Variants in ARHGAP6 observed in about 807,000 individuals in gnomAD.
The protein encoded by ARHGAP6 is rho GTPase-activating protein 6.
ARHGAP6 carries 16 observed loss-of-function variants against 55.7 expected under a neutral mutation model. The observed-to-expected ratio is 0.29, with a 90% CI of 0.19 to 0.44. The LOEUF is 0.44. ARHGAP6 is among the 20% of genes least tolerant of loss of function. The probability of loss-of-function intolerance (pLI) is 1.00; values close to 1 mark genes in which losing one functional copy is unlikely to be tolerated. For missense variants in ARHGAP6, 698 were observed against 808.9 expected (o/e 0.86, Z 1.66); for synonymous variants, 382 against 360.9 (o/e 1.06, Z -0.66).
chrX:11,184,062 A>T (rs1204610731), intron 5 of ARHGAP6, among the ~76,000 whole-genome samples: 2 of 112,067 alleles, frequency 1.8e-5, no homozygotes, highest in Non-Finnish European at 3.8e-5. Context: ...GCCAGCAAAC[A>T]GAGGACACTC....
chrX:11,396,408 T>C (rs1345712564), intron 1 of ARHGAP6, among the ~76,000 whole-genome samples: 2 of 110,964 alleles, frequency 1.8e-5, no homozygotes, highest in Admixed American at 9.6e-5. Context: ...CAAAGAGAGG[T>C]CTGGGGATGA....
chrX:11,401,432 T>G, intron 1 of ARHGAP6, among the ~76,000 whole-genome samples: 1 of 111,805 alleles, frequency 8.9e-6, no homozygotes, highest in African/African-American at 3.3e-5. Flanking sequence ...CTGTAGACAT[T>G]TGGGTCTGGA....
chrX:11,525,099 C>T (rs1273322528), intron 1 of ARHGAP6, among the ~76,000 whole-genome samples: 1 of 111,648 alleles, frequency 9.0e-6, no homozygotes. Context: ...GCTGTACAGC[C>T]TGATTCCTAA....
At chrX:11,347,091 C>T (rs1409062366) in intron 1 of ARHGAP6, among the ~76,000 whole-genome samples, 1 of 112,175 alleles carries the variant, frequency 8.9e-6, no homozygotes, top group African/African-American at 3.2e-5. Flanking sequence ...TACTTATATA[C>T]CTATTTGCAG....
chrX:11,560,371 G>A (rs1757696609), intron 1 of ARHGAP6, among the ~76,000 whole-genome samples: 1 of 112,149 alleles, frequency 8.9e-6, no homozygotes, highest in Non-Finnish European at 1.9e-5. Flanking sequence ...CTCTAATACA[G>A]AACGTCAAAG....
In ARHGAP6 at chrX:11,664,956, G is replaced by T. The variant is rs1943391639; in HGVS notation, c.-128C>A. The T allele has an allele frequency of 3.1e-6, 2 of 653,228 alleles. No homozygotes were observed. Among genetic ancestry groups the T allele is most frequent in the Non-Finnish European group, 4.4e-6 (2 of 453,919 alleles). 53.8% of individuals were successfully genotyped at this position (653,228 alleles called of 1,213,427 possible). On this transcript the variant is annotated 5_prime_UTR_variant, in exon 1 of 13. The change creates a new upstream start codon in the 5' untranslated region. Coordinates refer to ENST00000337414, the MANE Select transcript of ARHGAP6 (RefSeq NM_013427.3). ...GCTGGCCCGGGGTTTGCCCAGGGCA[G>T]TGGAGAGCAAAGCCCAGCTCACGCG...
intron 9 of ARHGAP6, among the ~76,000 whole-genome samples, chrX:11,159,051 A>AGTTG (rs1456391899): frequency 8.9e-6 from 1 of 111,966 alleles, no homozygotes; most frequent in Non-Finnish European, 1.9e-5. Context: ...CTGATGAAGG[A>AGTTG]GTTGGAGAAA....
intron 1 of ARHGAP6, among the ~76,000 whole-genome samples, chrX:11,373,990 T>C (rs1162674401): frequency 8.9e-6 from 1 of 111,784 alleles, no homozygotes. Context: ...ATCAGCCTTT[T>C]GACTATATAA....
At chrX:11,444,227 G>A (rs1307408246) in intron 1 of ARHGAP6, among the ~76,000 whole-genome samples, 1 of 112,162 alleles carries the variant, frequency 8.9e-6, no homozygotes, top group African/African-American at 3.2e-5. Context: ...TAAATGAAGG[G>A]GTGTGGTTGT....
At chrX:11,178,569 A>T (rs937465777) in intron 7 of ARHGAP6, among the ~76,000 whole-genome samples, 1 of 111,459 alleles carries the variant, frequency 9.0e-6, no homozygotes, top group African/African-American at 3.3e-5. Flanking sequence ...TAAGGATTTC[A>T]GTCTTCCATT....
chrX:11,509,105 T>G (rs1264338213), intron 1 of ARHGAP6, among the ~76,000 whole-genome samples: 5 of 111,850 alleles, frequency 4.5e-5, no homozygotes, highest in African/African-American at 1.6e-4. Context: ...CTACTTACAG[T>G]GTTGATCATA....
intron 1 of ARHGAP6, among the ~76,000 whole-genome samples, chrX:11,417,081 T>C (rs868428457): frequency 3.8e-5 from 3 of 78,748 alleles, no homozygotes; most frequent in Non-Finnish European, 7.3e-5. Context: ...TATATATATA[T>C]ATATATATAT....
In ARHGAP6 at chrX:11,298,818, C is replaced by G. The variant is rs763844854; in HGVS notation, c.589-44111G>C. Reference sequence around the variant, plus strand: ...GCCTGTTCAGCCACAGCCTCACCAGCCCATGCAGCCCCAGCCACCTGTGCA... The same window carrying G: ...GCCTGTTCAGCCACAGCCTCACCAGGCCATGCAGCCCCAGCCACCTGTGCA... On this transcript the variant is annotated intron_variant, in intron 1 of 12. Transcript: ENST00000337414. 101 of 1,208,681 alleles carry G rather than the reference C, an allele frequency of 8.4e-5. No individual in the cohort carries two copies. Among genetic ancestry groups the G allele is most frequent in the Non-Finnish European group, 1.1e-4 (98 of 894,889 alleles).
At chrX:11,361,059 G>A (rs1168105118) in intron 1 of ARHGAP6, among the ~76,000 whole-genome samples, 49 of 110,538 alleles carry the variant, frequency 4.4e-4, no homozygotes, top group African/African-American at 1.6e-3. Context: ...AATCAATACC[G>A]TGAAAATGGC....
At chrX:11,196,541 G>A (rs904142194) in intron 3 of ARHGAP6, among the ~76,000 whole-genome samples, 4 of 111,631 alleles carry the variant, frequency 3.6e-5, no homozygotes, top group African/African-American at 1.3e-4. Flanking sequence ...CTTTCCAGTA[G>A]TGGTGGTAGG....
intron 1 of ARHGAP6, among the ~76,000 whole-genome samples, chrX:11,381,361 T>G (rs773191457): frequency 4.4e-5 from 5 of 112,520 alleles, no homozygotes; most frequent in African/African-American, 1.3e-4. Context: ...CCATGGCTAA[T>G]ACACCGAGCA....
intron 1 of ARHGAP6, among the ~76,000 whole-genome samples, chrX:11,380,473 C>T (rs954672346): frequency 3.6e-5 from 4 of 111,719 alleles, no homozygotes; most frequent in South Asian, 3.8e-4. Context: ...GGAAACCATA[C>T]GATTGTGTCT....
chrX:11,595,550 G>A (rs747011089), intron 1 of ARHGAP6, among the ~76,000 whole-genome samples: 1 of 111,393 alleles, frequency 9.0e-6, no homozygotes, highest in Non-Finnish European at 1.9e-5. Flanking sequence ...CAAAAGCAAT[G>A]GCAACAAAAG....
chrX:11,332,283 C>T (rs5935007), intron 1 of ARHGAP6, among the ~76,000 whole-genome samples: 3,114 of 112,097 alleles, frequency 0.028, 33 homozygotes, highest in Middle Eastern at 0.064. Context: ...TTCCCTATGA[C>T]GTCTGGCTTG....
Sources: allele counts gnomAD v4.1 joint callset (sites outside exome capture counted in the v4.1 genomes callset), GRCh38; gene constraint gnomAD v4.1.1; transcripts MANE v1.5; gene names NCBI Gene and HGNC (gene_info 2026-07-23, HGNC 2026-07-21).